SYT1: variants seen among roughly 807,000 people sequenced by gnomAD.
SYT1 encodes synaptotagmin 1.
In SYT1, 8 loss-of-function variants were observed where a neutral mutation model predicts 44.8. The observed-to-expected ratio is 0.18, with a 90% CI of 0.10 to 0.32. The LOEUF (loss-of-function observed/expected upper bound fraction) is 0.32, where lower values mean the gene tolerates loss of function less well. Among genes scored for constraint, SYT1 ranks in the 10% least tolerant of loss-of-function variants. The pLI, the probability that SYT1 is intolerant of heterozygous loss-of-function variation, is 1.00. For missense variants in SYT1, 286 were observed against 509.3 expected (o/e 0.56, Z 4.22); for synonymous variants, 154 against 188.8 (o/e 0.82, Z 1.51).
At chr12:79,345,735 G>A (rs944814012) in intron 8 of SYT1, among the ~76,000 whole-genome samples, 1 of 152,188 alleles carries the variant, frequency 6.6e-6, no homozygotes, top group Non-Finnish European at 1.5e-5. Flanking sequence ...GTTGAAAAAT[G>A]CTACCACCCA....
chr12:79,379,681 AT>A (rs1884138902), intron 9 of SYT1, among the ~76,000 whole-genome samples: 1 of 152,198 alleles, frequency 6.6e-6, no homozygotes. Context: ...GTATATGTTT[AT>A]ATACTGAAGA....
chr12:79,251,760 T>C (rs1877225092), intron 4 of SYT1, among the ~76,000 whole-genome samples: 1 of 152,216 alleles, frequency 6.6e-6, no homozygotes, highest in East Asian at 1.9e-4. Context: ...GATTGAGGCC[T>C]CAGGCTTGGT....
chr12:78,949,741 T>C (rs1281128870), intron 1 of SYT1, among the ~76,000 whole-genome samples: 1 of 152,012 alleles, frequency 6.6e-6, no homozygotes, highest in African/African-American at 2.4e-5. Flanking sequence ...TTTTGGCTTA[T>C]TCAGCATATT....
chr12:79,150,473 C>A (rs1043431503), intron 3 of SYT1, among the ~76,000 whole-genome samples: 1 of 151,974 alleles, frequency 6.6e-6, no homozygotes. Flanking sequence ...GGACTTTGGT[C>A]AAAGGATACA....
chr12:79,179,095 G>T (rs1278551399), intron 3 of SYT1, among the ~76,000 whole-genome samples: 4 of 119,168 alleles, frequency 3.4e-5, no homozygotes, highest in African/African-American at 3.5e-5. Context: ...TAGATATATA[G>T]ATATAGATAT....
intron 1 of SYT1, among the ~76,000 whole-genome samples, chr12:78,959,559 G>C (rs567570446): frequency 6.6e-6 from 1 of 152,146 alleles, no homozygotes; most frequent in South Asian, 2.1e-4. Flanking sequence ...TAAATGAGGG[G>C]GAACTTCGCC....
intron 1 of SYT1, among the ~76,000 whole-genome samples, chr12:78,895,234 G>C (rs1168984139): frequency 6.7e-6 from 1 of 149,852 alleles, no homozygotes; most frequent in African/African-American, 2.5e-5. Context: ...TACAAAATGA[G>C]CAAAGATAAA....
At chr12:79,095,110 G>A (rs1323531669) in intron 3 of SYT1, among the ~76,000 whole-genome samples, 1 of 151,870 alleles carries the variant, frequency 6.6e-6, no homozygotes, top group African/African-American at 2.4e-5. Flanking sequence ...CAGTTGGTAA[G>A]ACAAACAGGA....
chr12:79,377,105 T>TTTTGTTTTGG (rs150386499), intron 9 of SYT1, among the ~76,000 whole-genome samples: 1 of 151,840 alleles, frequency 6.6e-6, no homozygotes, highest in African/African-American at 2.4e-5. Context: ...ACATTTTTTG[T>TTTTGTTTTGG]TTTTTTGTTT....
At chr12:79,070,850 A>G (rs2137898124) in intron 3 of SYT1, among the ~76,000 whole-genome samples, 1 of 152,158 alleles carries the variant, frequency 6.6e-6, no homozygotes, top group East Asian at 1.9e-4. Context: ...ACAAACCTGC[A>G]TGGGTGCCCT....
chr12:79,307,564 C>T (rs960589188), intron 8 of SYT1, among the ~76,000 whole-genome samples: 3 of 133,988 alleles, frequency 2.2e-5, no homozygotes, highest in Non-Finnish European at 3.1e-5. Context: ...TGCAGACTTC[C>T]GGGGCGCCTG....
chr12:79,164,554 C>A (rs970190957), intron 3 of SYT1, among the ~76,000 whole-genome samples: 3 of 151,954 alleles, frequency 2.0e-5, no homozygotes, highest in African/African-American at 7.2e-5. Flanking sequence ...CAGAAAAAAA[C>A]AATATAGAGA....
At chr12:79,070,150 T>C (rs1262727195) in intron 3 of SYT1, among the ~76,000 whole-genome samples, 1 of 152,082 alleles carries the variant, frequency 6.6e-6, no homozygotes, top group African/African-American at 2.4e-5. Context: ...CCGTAGTGGA[T>C]CTACCAATAC....
chr12:79,347,405 T>C (rs1488638409), intron 8 of SYT1, among the ~76,000 whole-genome samples: 4 of 152,164 alleles, frequency 2.6e-5, no homozygotes, highest in Admixed American at 2.0e-4. Context: ...TGTTGCCCCA[T>C]TTCCAAATAT....
intron 4 of SYT1, among the ~76,000 whole-genome samples, chr12:79,249,033 G>C (rs1478296456): frequency 6.9e-6 from 1 of 143,920 alleles, no homozygotes; most frequent in Non-Finnish European, 1.5e-5. Flanking sequence ...TTCCGGCTTA[G>C]AGTTGTTGAA....
In SYT1 at chr12:78,869,702, A is replaced by G. The variant is rs565017461; in HGVS notation, c.-217+4593A>G. Reference sequence around the variant, plus strand: ...ACCTTTATGGTAGTGTTAGAAATGAATTTTCTAGCATGTCTTTGACACATG... The same window carrying G: ...ACCTTTATGGTAGTGTTAGAAATGAGTTTTCTAGCATGTCTTTGACACATG... On this transcript the variant is annotated intron_variant, in intron 1 of 10. Transcript: ENST00000261205. Among the ~76,000 whole-genome samples, 236 of 152,124 alleles carry G rather than the reference A, an allele frequency of 1.6e-3. 1 individual carries two copies. Among genetic ancestry groups the G allele is most frequent in the African/African-American group, 5.5e-3 (227 of 41,552 alleles).
At chr12:78,957,180 C>T (rs1279096252) in intron 1 of SYT1, among the ~76,000 whole-genome samples, 1 of 152,108 alleles carries the variant, frequency 6.6e-6, no homozygotes, top group Non-Finnish European at 1.5e-5. Context: ...TTAAGAAGAA[C>T]ACCTAAAACC....
At chr12:79,358,233 C>T (rs762299585) in intron 9 of SYT1, among the ~76,000 whole-genome samples, 2 of 152,000 alleles carry the variant, frequency 1.3e-5, no homozygotes, top group Non-Finnish European at 2.9e-5. Flanking sequence ...AAGGACATGG[C>T]CGTTTAAAGA....
rs756312684 is a variant in SYT1 at position 78,899,889 on chromosome 12, CAA to C, written c.-217+34782_-217+34783del. Among the ~76,000 whole-genome samples, 36 of 152,044 alleles carry C rather than the reference CAA, an allele frequency of 2.4e-4. No homozygotes were observed. In the South Asian group the frequency reaches 7.3e-3, roughly 31 times the overall value. On this transcript the variant is annotated intron_variant, in intron 1 of 10. Transcript: ENST00000261205. ...TTTTCCAAGATGAAGTTCTTTGAAG[CAA>C]AGTCATTAATTTTGTTATATAATTG... is the stretch of plus-strand genomic sequence containing the variant.
Sources: allele counts gnomAD v4.1 joint callset (sites outside exome capture counted in the v4.1 genomes callset), GRCh38; gene constraint gnomAD v4.1.1; transcripts MANE v1.5; gene names NCBI Gene and HGNC (gene_info 2026-07-23, HGNC 2026-07-21).